The following LRP1B variants were observed in gnomAD, a reference collection of about 807,000 sequenced individuals.
The protein encoded by LRP1B is LDL receptor related protein 1B.
Under a neutral mutation model 556.6 loss-of-function variants are expected in LRP1B, and 217 were observed. That is an observed-to-expected ratio of 0.39 (90% confidence interval 0.35 to 0.44). The LOEUF (loss-of-function observed/expected upper bound fraction) is 0.44, where lower values mean the gene tolerates loss of function less well. LRP1B is among the 20% of genes least tolerant of loss of function. The pLI is 1.00. For missense variants in LRP1B, 5,053 were observed against 5,620.8 expected (o/e 0.90, Z 3.23); for synonymous variants, 2,047 against 1,865.8 (o/e 1.10, Z -2.50).
intron 1 of LRP1B, among the ~76,000 whole-genome samples, chr2:142,104,090 C>T (rs1391188173): frequency 1.3e-5 from 2 of 152,102 alleles, no homozygotes; most frequent in African/African-American, 4.8e-5. Context: ...CTTTTTCTTC[C>T]AAGAGGATAT....
intron 41 of LRP1B, among the ~76,000 whole-genome samples, chr2:140,670,282 G>C: frequency 6.6e-6 from 1 of 152,080 alleles, no homozygotes; most frequent in East Asian, 1.9e-4. Context: ...AATAATTTTT[G>C]TTTAAAGTCA....
At chr2:141,076,279 G>A (rs1699783747) in intron 7 of LRP1B, among the ~76,000 whole-genome samples, 2 of 152,208 alleles carry the variant, frequency 1.3e-5, no homozygotes, top group African/African-American at 2.4e-5. Flanking sequence ...TTCTAGGCCA[G>A]GGTTTCTTGA....
At chr2:141,657,412 A>G (rs1172060593) in intron 2 of LRP1B, among the ~76,000 whole-genome samples, 1 of 152,126 alleles carries the variant, frequency 6.6e-6, no homozygotes, top group Non-Finnish European at 1.5e-5. Context: ...TTTAACTCAA[A>G]TATCCAATTT....
At chr2:140,414,820 G>A (rs1396080626) in intron 66 of LRP1B, among the ~76,000 whole-genome samples, 1 of 152,096 alleles carries the variant, frequency 6.6e-6, no homozygotes, top group Non-Finnish European at 1.5e-5. Flanking sequence ...GAATAACAGC[G>A]ATCTTTAGGG....
intron 2 of LRP1B, among the ~76,000 whole-genome samples, chr2:141,746,484 C>A (rs73963590): frequency 0.04 from 6,121 of 152,106 alleles, 422 homozygotes; most frequent in African/African-American, 0.14. Context: ...CTCCCTAGCA[C>A]ACAGATTCTC....
chr2:141,316,253 T>C (rs1397976608), intron 3 of LRP1B, among the ~76,000 whole-genome samples: 1 of 152,144 alleles, frequency 6.6e-6, no homozygotes, highest in Non-Finnish European at 1.5e-5. Flanking sequence ...GTACTAGCAA[T>C]ACATTTGTCT....
At chr2:141,960,474 C>T (rs1381407967) in intron 1 of LRP1B, among the ~76,000 whole-genome samples, 1 of 151,822 alleles carries the variant, frequency 6.6e-6, no homozygotes, top group African/African-American at 2.4e-5. Flanking sequence ...CGTGTATTTG[C>T]AGATTGTAAT....
intron 43 of LRP1B, among the ~76,000 whole-genome samples, chr2:140,559,801 C>A (rs983709781): frequency 3.3e-5 from 5 of 149,862 alleles, no homozygotes; most frequent in African/African-American, 1.2e-4. Flanking sequence ...AGGGAAAGTT[C>A]TTCCTTAGAG....
chr2:142,130,832 C>T lies in LRP1B; in HGVS notation c.-103G>A, dbSNP rs773032233. 22 of 875,594 alleles carry T rather than the reference C, an allele frequency of 2.5e-5. No homozygotes were observed. In the African/African-American group the frequency reaches 2.7e-4, roughly 11 times the overall value. 54.2% of individuals were successfully genotyped at this position (875,594 alleles called of 1,614,324 possible). A position where few individuals can be genotyped will look rare whatever the true frequency, so the allele number is the denominator to read the frequency against. ...GGGCCGCTTGGAGCCTGGAATCGAG[C>T]GGCGTCATTTACAAATGTCACTGGA... is the stretch of plus-strand genomic sequence containing the variant. On this transcript the variant is annotated 5_prime_UTR_variant, in exon 1 of 91. Coordinates refer to ENST00000389484, the MANE Select transcript of LRP1B (RefSeq NM_018557.3).
intron 3 of LRP1B, among the ~76,000 whole-genome samples, chr2:141,458,042 A>G (rs948259733): frequency 6.6e-6 from 1 of 152,162 alleles, no homozygotes; most frequent in African/African-American, 2.4e-5. Context: ...ACTGTTTGTA[A>G]GTGGTTTTTG....
intron 20 of LRP1B, among the ~76,000 whole-genome samples, chr2:140,934,791 T>C (rs1009231992): frequency 6.6e-6 from 1 of 152,184 alleles, no homozygotes; most frequent in Admixed American, 6.6e-5. Context: ...CCTCCATTTC[T>C]AGCTGAAGTG....
In LRP1B at chr2:141,364,434, A is replaced by G. The variant is rs1425023486; in HGVS notation, c.344-109793T>C. On this transcript the variant is annotated intron_variant, in intron 3 of 90. Transcript: ENST00000389484. ...ATAACACACACACACACACATATAT[A>G]TATTTGTGAAAACATCTCATTGTAC... 2.6e-5 allele frequency among the ~76,000 whole-genome samples: 4 copies of G among 152,106 alleles called. No homozygotes were observed. The East Asian group carries it at 7.7e-4, about 29-fold the overall frequency.
rs568036743 is a variant in LRP1B, at chr2:141,485,801, A to C, written c.206-5268T>G. Among the ~76,000 whole-genome samples the C allele has an allele frequency of 6.6e-4, 100 of 152,266 alleles. No individual in the cohort carries two copies. In the East Asian group the frequency reaches 7.9e-3, roughly 12 times the overall value. ...TTCATGAATTCCTGAGAATATGGCAACGTTGCCTTAAATTAAATGATTAAT... is the reference window on the plus strand; with the variant it reads ...TTCATGAATTCCTGAGAATATGGCACCGTTGCCTTAAATTAAATGATTAAT... On this transcript the variant is annotated intron_variant, in intron 2 of 90. Coordinates refer to ENST00000389484, the MANE Select transcript of LRP1B (RefSeq NM_018557.3).
chr2:141,358,646 C>G (rs984239837), intron 3 of LRP1B, among the ~76,000 whole-genome samples: 1 of 152,166 alleles, frequency 6.6e-6, no homozygotes, highest in Admixed American at 6.5e-5. Flanking sequence ...GTTAGTTCTA[C>G]GAAATTGTTT....
chr2:140,735,054 G>A (rs1687901567), intron 35 of LRP1B, among the ~76,000 whole-genome samples: 3 of 152,158 alleles, frequency 2.0e-5, no homozygotes, highest in African/African-American at 7.2e-5. Context: ...GATGATGGGA[G>A]TGGGCTGAGA....
intron 1 of LRP1B, among the ~76,000 whole-genome samples, chr2:142,089,073 C>A (rs1706063535): frequency 6.6e-6 from 1 of 151,794 alleles, no homozygotes. Context: ...TTCTATGTTC[C>A]AGACACCCTT....
chr2:140,615,642 G>T (rs1683228180), intron 41 of LRP1B, among the ~76,000 whole-genome samples: 1 of 152,038 alleles, frequency 6.6e-6, no homozygotes, highest in South Asian at 2.1e-4. Flanking sequence ...TTGTTTGCAT[G>T]GAGTGTTTCT....
intron 1 of LRP1B, among the ~76,000 whole-genome samples, chr2:142,026,347 A>G (rs1472893349): frequency 6.6e-6 from 1 of 152,094 alleles, no homozygotes; most frequent in African/African-American, 2.4e-5. Flanking sequence ...ACAGCTGAAA[A>G]GACACGCCAG....
chr2:140,394,124 A>ATTTTT (rs34965660), intron 66 of LRP1B, among the ~76,000 whole-genome samples: 6 of 122,496 alleles, frequency 4.9e-5, no homozygotes, highest in East Asian at 4.8e-4. Flanking sequence ...ACTGGCACAT[A>ATTTTT]TTTTTTTTTT....
Sources: gnomAD v4.1 joint callset for allele counts (sites outside exome capture counted in the v4.1 genomes callset) on GRCh38, gnomAD v4.1.1 for gene constraint, MANE v1.5 for transcripts, NCBI Gene and HGNC (gene_info 2026-07-23, HGNC 2026-07-21) for gene names.